The following ZPBP variants were observed in gnomAD, a reference collection of about 807,000 sequenced individuals.
The protein encoded by ZPBP is zona pellucida binding protein.
A neutral mutation model predicts 44.8 loss-of-function variants in ZPBP; 26 were observed. The observed-to-expected ratio is 0.58, with a 90% CI of 0.43 to 0.81. ZPBP has a LOEUF of 0.81. ZPBP is among the 30% of genes least tolerant of loss of function. The probability of loss-of-function intolerance (pLI) is 0.00; values close to 1 mark genes in which losing one functional copy is unlikely to be tolerated. For missense variants in ZPBP, 409 were observed against 434.0 expected, an observed-to-expected ratio of 0.94 and a Z score of 0.51; for synonymous variants, 174 against 153.2, an observed-to-expected ratio of 1.14 and a Z score of -1.00.
intron 3 of ZPBP, among the ~76,000 whole-genome samples, chr7:50,076,994 A>C (rs933356886): frequency 6.9e-6 from 1 of 144,944 alleles, no homozygotes; most frequent in Non-Finnish European, 1.5e-5. Context: ...TCTGACTTCA[A>C]ATTATACTAT....
chr7:50,042,198 T>C (rs7791055), intron 4 of ZPBP, among the ~76,000 whole-genome samples: 75,220 of 151,698 alleles, frequency 0.5, 19,337 homozygotes, highest in East Asian at 0.67. Flanking sequence ...CTACATTTGA[T>C]TGGTGTATCT....
At chr7:50,026,157 G>C (rs1183228982) in intron 5 of ZPBP, among the ~76,000 whole-genome samples, 3 of 151,784 alleles carry the variant, frequency 2.0e-5, no homozygotes, top group African/African-American at 7.2e-5. Context: ...ACAAACATCA[G>C]AGAAAATAAA....
chr7:49,927,092 C>A (rs1794265327), intron 1 of ZPBP, among the ~76,000 whole-genome samples: 1 of 152,184 alleles, frequency 6.6e-6, no homozygotes, highest in African/African-American at 2.4e-5. Flanking sequence ...TATTACCAAC[C>A]CCGCCTATAT....
At chr7:49,948,906 C>T (rs944248408) in intron 7 of ZPBP, among the ~76,000 whole-genome samples, 19 of 152,138 alleles carry the variant, frequency 1.2e-4, no homozygotes, top group African/African-American at 4.6e-4. Flanking sequence ...CTCAAAGAGA[C>T]ATTTGTATGC....
intron 3 of ZPBP, among the ~76,000 whole-genome samples, chr7:50,061,553 T>C (rs1476747272): frequency 6.6e-6 from 1 of 151,990 alleles, no homozygotes; most frequent in Admixed American, 6.6e-5. Context: ...ATACAAAAAT[T>C]AGCCAGGCAT....
downstream of ZPBP, among the ~76,000 whole-genome samples, chr7:49,933,802 AC>A (rs1030952207): frequency 3.3e-5 from 5 of 151,860 alleles, no homozygotes; most frequent in African/African-American, 1.2e-4. Flanking sequence ...TATCGCAAGG[AC>A]AAAAAACCAA....
the ZPBP span, among the ~76,000 whole-genome samples, chr7:49,844,180 G>A: frequency 1.1e-4 from 17 of 152,318 alleles, 1 homozygote; most frequent in Middle Eastern, 6.8e-3. Context: ...GACGGGAATC[G>A]CACACTCAGA....
chr7:50,013,751 T>TAATCAAGCTCCACTTGG (rs1029596048), intron 6 of ZPBP, among the ~76,000 whole-genome samples: 1 of 152,086 alleles, frequency 6.6e-6, no homozygotes, highest in African/African-American at 2.4e-5. Flanking sequence ...TTCTGGGTTG[T>TAATCAAGCTCCACTTGG]AATCAAGCTC....
intron 2 of ZPBP, among the ~76,000 whole-genome samples, chr7:49,892,520 T>C (rs1792187688): frequency 6.6e-6 from 1 of 152,212 alleles, no homozygotes. Context: ...AAACCTATTT[T>C]ATTCTGTTAG....
chr7:49,967,711 T>C (rs976458529), intron 7 of ZPBP, among the ~76,000 whole-genome samples: 2 of 152,112 alleles, frequency 1.3e-5, no homozygotes, highest in African/African-American at 4.8e-5. Context: ...CACGCATGGC[T>C]AATTTTGTAT....
intron 5 of ZPBP, among the ~76,000 whole-genome samples, chr7:50,020,565 C>T (rs1562850366): frequency 6.6e-6 from 1 of 152,214 alleles, no homozygotes; most frequent in East Asian, 1.9e-4. Flanking sequence ...TCCTCCTAAG[C>T]TTCTCGCACA....
chr7:50,090,891 A>G (rs553554438), intron 1 of ZPBP, among the ~76,000 whole-genome samples: 2 of 152,056 alleles, frequency 1.3e-5, no homozygotes, highest in South Asian at 2.1e-4. Context: ...AATCTCCACA[A>G]TTTTCCATAG....
At chr7:49,947,850 A>C (rs1400726483) in intron 7 of ZPBP, among the ~76,000 whole-genome samples, 1 of 152,200 alleles carries the variant, frequency 6.6e-6, no homozygotes, top group African/African-American at 2.4e-5. Context: ...CTGGGAACCA[A>C]GGACTGGAAT....
At chr7:50,029,025 CA>C (rs913082839) in intron 5 of ZPBP, among the ~76,000 whole-genome samples, 11 of 151,972 alleles carry the variant, frequency 7.2e-5, no homozygotes, top group African/African-American at 2.4e-4. Context: ...CTCAAATTAC[CA>C]AAACAATGTT....
At position 49,852,846 on chromosome 7, in the gene ZPBP, G is replaced by A. The variant is rs370594970; in HGVS notation, n.510-2332C>T. On this transcript the variant is annotated intron_variant and non_coding_transcript_variant, in intron 2 of 2. Coordinates refer to the ZPBP transcript ENST00000465922. ...TGGACTCCGTCTCCATCTAGTGACT[G>A]GCTCCTTGAACTACAGTTGCAGATG... Among the ~76,000 whole-genome samples, 7 of 152,202 alleles carry A rather than the reference G, an allele frequency of 4.6e-5. No homozygotes were observed. The East Asian group carries it at 7.7e-4, about 17-fold the overall frequency.
At chr7:50,013,658 T>G (rs1798684306) in intron 6 of ZPBP, among the ~76,000 whole-genome samples, 1 of 152,086 alleles carries the variant, frequency 6.6e-6, no homozygotes, top group South Asian at 2.1e-4. Context: ...AAAATCTTTT[T>G]TTAATATTAG....
intron 3 of ZPBP, among the ~76,000 whole-genome samples, chr7:50,081,277 T>C (rs1802337702): frequency 6.6e-6 from 1 of 151,692 alleles, no homozygotes; most frequent in African/African-American, 2.4e-5. Flanking sequence ...TATGCAAAAA[T>C]GACTGAACAG....
intron 1 of ZPBP, among the ~76,000 whole-genome samples, chr7:49,931,576 T>A (rs1794445886): frequency 6.6e-6 from 1 of 152,198 alleles, no homozygotes; most frequent in Non-Finnish European, 1.5e-5. Context: ...TGGAAGAACC[T>A]TCTAAGCAGA....
chr7:49,982,729 A>G (rs73115209), intron 7 of ZPBP, among the ~76,000 whole-genome samples: 24 of 152,032 alleles, frequency 1.6e-4, no homozygotes, highest in Non-Finnish European at 2.5e-4. Context: ...AAATTGTTAA[A>G]ACTCTTTTAA....
Sources: allele counts gnomAD v4.1 joint callset (sites outside exome capture counted in the v4.1 genomes callset), GRCh38; gene constraint gnomAD v4.1.1; transcripts MANE v1.5; gene names NCBI Gene and HGNC (gene_info 2026-07-23, HGNC 2026-07-21).